Variants in GLCE observed in about 807,000 individuals in gnomAD.
GLCE encodes the protein glucuronic acid epimerase, also known as D-glucuronyl C5-epimerase.
GLCE carries 19 observed loss-of-function variants against 47.9 expected under a neutral mutation model. That is an observed-to-expected ratio of 0.40 (90% CI 0.28 to 0.58). The LOEUF is 0.58. Among genes scored for constraint, GLCE ranks in the 20% least tolerant of loss-of-function variants. The pLI is 0.48. For synonymous variants in GLCE, 245 were observed against 263.4 expected, an observed-to-expected ratio of 0.93 and a Z score of 0.68; for missense variants, 556 against 743.3, an observed-to-expected ratio of 0.75 and a Z score of 2.93.
chr15:69,188,951 TC>T lies in GLCE; in HGVS notation c.-104-21358del, dbSNP rs1285420627. Among the ~76,000 whole-genome samples, 10 of 152,172 alleles carry T rather than the reference TC, an allele frequency of 6.6e-5. No homozygotes were observed. In the East Asian group the frequency reaches 1.9e-3, roughly 29 times the overall value. On this transcript the variant is annotated intron_variant, in intron 1 of 4. Coordinates refer to ENST00000261858, the MANE Select transcript of GLCE (RefSeq NM_015554.3). The stretch of plus-strand genomic sequence containing the variant: ...GAGTGGAAAATACAGAGTTCTTATA[TC>T]CCCCCCACCAGCCTTTCCCACTTCA...
intron 1 of GLCE, among the ~76,000 whole-genome samples, chr15:69,191,368 A>T (rs908494717): frequency 1.3e-5 from 2 of 152,158 alleles, no homozygotes; most frequent in Non-Finnish European, 2.9e-5. Flanking sequence ...AGGACTCGGG[A>T]CTTAGCATAT....
intron 2 of GLCE, among the ~76,000 whole-genome samples, chr15:69,244,179 G>T (rs113146669): frequency 9.2e-5 from 14 of 152,256 alleles, no homozygotes; most frequent in African/African-American, 2.9e-4. Flanking sequence ...GGCCAGTGAG[G>T]ATCCTGTTGT....
At chr15:69,195,800 C>T (rs1474166386) in intron 1 of GLCE, among the ~76,000 whole-genome samples, 1 of 152,096 alleles carries the variant, frequency 6.6e-6, no homozygotes, top group African/African-American at 2.4e-5. Context: ...CCCTATATTA[C>T]ATTAAATCAG....
At chr15:69,266,458 C>G (rs74815814) in intron 4 of GLCE, among the ~76,000 whole-genome samples, 4,922 of 152,228 alleles carry the variant, frequency 0.032, 117 homozygotes, top group Non-Finnish European at 0.051. Context: ...TCCCAAGTAC[C>G]TAGGACTACA....
At chr15:69,217,315 AT>A (rs1386328040) in intron 2 of GLCE, among the ~76,000 whole-genome samples, 3 of 151,568 alleles carry the variant, frequency 2.0e-5, no homozygotes, top group Non-Finnish European at 2.9e-5. Flanking sequence ...TTTTTTATTG[AT>A]CCTTATTCCT....
In GLCE at chr15:69,214,797, CTA is replaced by C. The variant is rs374224820; in HGVS notation, c.-14+4395_-14+4396del. ...AGAAACCTGACTCTCATTCTCTACA[CTA>C]TATTTATGTATTTATTATACATATA... On this transcript the variant is annotated intron_variant, in intron 2 of 4. Transcript: ENST00000261858. Among the ~76,000 whole-genome samples the C allele has an allele frequency of 3.1e-3, 474 of 152,268 alleles. 2 individuals carry two copies. Among genetic ancestry groups the C allele is most frequent in the African/African-American group, 9.5e-3 (396 of 41,544 alleles).
chr15:69,212,188 C>T (rs2052242342), intron 2 of GLCE, among the ~76,000 whole-genome samples: 1 of 151,688 alleles, frequency 6.6e-6, no homozygotes, highest in Non-Finnish European at 1.5e-5. Context: ...TATACTAAGA[C>T]TTAGGAATAA....
rs2053143211 is a variant in GLCE at position 69,269,954 on chromosome 15, G to A, written c.*710G>A. Reference sequence around the variant, plus strand: ...CAAAAATGTTTCTGTTTTGAAACTTGATCTACAATCAGTAAAAGTTTGATA... The same window carrying A: ...CAAAAATGTTTCTGTTTTGAAACTTAATCTACAATCAGTAAAAGTTTGATA... On this transcript the variant is annotated 3_prime_UTR_variant, in exon 5 of 5. Transcript: ENST00000261858. The A allele has an allele frequency of 1.3e-5, 2 of 152,596 alleles. No homozygotes were observed. The highest frequency in any genetic ancestry group is 4.8e-5 in the African/African-American group (2 of 41,434). 9.5% of individuals were successfully genotyped at this position (152,596 alleles called of 1,614,324 possible).
chr15:69,191,552 G>T (rs2051913901), intron 1 of GLCE, among the ~76,000 whole-genome samples: 2 of 152,156 alleles, frequency 1.3e-5, no homozygotes, highest in African/African-American at 4.8e-5. Flanking sequence ...GACAACACAT[G>T]TGAATACAGT....
chr15:69,213,878 C>T (rs925920729), intron 2 of GLCE, among the ~76,000 whole-genome samples: 1 of 152,074 alleles, frequency 6.6e-6, no homozygotes, highest in African/African-American at 2.4e-5. Flanking sequence ...TTACTTATAT[C>T]AGTGTGAACT....
At chr15:69,222,568 A>C (rs1399651869) in intron 2 of GLCE, among the ~76,000 whole-genome samples, 1 of 152,148 alleles carries the variant, frequency 6.6e-6, no homozygotes, top group Non-Finnish European at 1.5e-5. Context: ...ATATCCTGGC[A>C]CTTGGCAACC....
chr15:69,172,134 C>A (rs2051597782), intron 1 of GLCE, among the ~76,000 whole-genome samples: 2 of 152,046 alleles, frequency 1.3e-5, no homozygotes, highest in Admixed American at 1.3e-4. Flanking sequence ...AAAGGGAATT[C>A]AATTAACCAT....
intron 1 of GLCE, among the ~76,000 whole-genome samples, chr15:69,203,232 G>A (rs370194005): frequency 6.6e-6 from 1 of 152,040 alleles, no homozygotes; most frequent in Non-Finnish European, 1.5e-5. Context: ...ACTGTGAATG[G>A]TGTAATACTA....
chr15:69,163,228 A>C (rs954546882), intron 1 of GLCE, among the ~76,000 whole-genome samples: 6 of 152,154 alleles, frequency 3.9e-5, no homozygotes, highest in Non-Finnish European at 5.9e-5. Context: ...TTTTTTTCTA[A>C]AAAGCAGCTT....
chr15:69,234,950 T>C (rs2052574825), intron 2 of GLCE, among the ~76,000 whole-genome samples: 1 of 152,174 alleles, frequency 6.6e-6, no homozygotes, highest in African/African-American at 2.4e-5. Context: ...TACAGAAGCT[T>C]AGAGAAAGGT....
intron 1 of GLCE, among the ~76,000 whole-genome samples, chr15:69,209,360 A>AC (rs1397330377): frequency 6.6e-6 from 1 of 152,002 alleles, no homozygotes; most frequent in Non-Finnish European, 1.5e-5. Flanking sequence ...ATGTTAGGAG[A>AC]CGTTGGGTCT....
chr15:69,188,833 T>C (rs529053912), intron 1 of GLCE, among the ~76,000 whole-genome samples: 1 of 152,310 alleles, frequency 6.6e-6, no homozygotes, highest in Non-Finnish European at 1.5e-5. Context: ...ATTTTATTGA[T>C]CTCAGAGAGC....
rs1188934881 is a variant in GLCE, at chr15:69,160,847, G to C, written c.-105+90G>C. The C allele has an allele frequency of 6.6e-6, 1 of 152,632 alleles. No homozygotes were observed. Among genetic ancestry groups the C allele is most frequent in the Non-Finnish European group, 1.5e-5 (1 of 68,386 alleles). The allele number at this position is 152,632 out of a possible 1,614,324, so 9.5% of individuals were successfully genotyped here. ...GAGCAGGCGGGCTCCTGACGGGGGC[G>C]GCTCTGGGGGCTGCGCGGCGCTGCC... On this transcript the variant is annotated intron_variant, in intron 1 of 4. Transcript: ENST00000261858. This position sits in a 1 kb window ranked among gnomAD's most constrained non-coding sequence, Gnocchi z 4.2.
chr15:69,246,771 T>G (rs2052756448), intron 2 of GLCE, among the ~76,000 whole-genome samples: 1 of 152,020 alleles, frequency 6.6e-6, no homozygotes, highest in South Asian at 2.1e-4. Flanking sequence ...TCTATGGGCT[T>G]CAGAATGAAT....
Sources: gnomAD v4.1 joint callset for allele counts (sites outside exome capture counted in the v4.1 genomes callset) on GRCh38, gnomAD v4.1.1 for gene constraint, Gnocchi (gnomAD v3.1) non-coding constraint, MANE v1.5 for transcripts, NCBI Gene and HGNC (gene_info 2026-07-23, HGNC 2026-07-21) for gene names.